Variants in NCS1 observed in about 807,000 individuals in gnomAD.
NCS1 encodes frequenin homolog.
Under a neutral mutation model 28.4 loss-of-function variants are expected in NCS1, and 6 were observed. The ratio of observed to expected loss-of-function variants is 0.21; its 90% confidence interval spans 0.12 to 0.42. The LOEUF (loss-of-function observed/expected upper bound fraction) is 0.42, where lower values mean the gene tolerates loss of function less well. Ranked by LOEUF, NCS1 falls within the 10% of genes least tolerant of loss-of-function variation. The probability of loss-of-function intolerance (pLI) is 1.00; values close to 1 mark genes in which losing one functional copy is unlikely to be tolerated. For missense variants in NCS1, 131 were observed against 241.4 expected, an observed-to-expected ratio of 0.54 and a Z score of 3.03; for synonymous variants, 86 against 99.3, an observed-to-expected ratio of 0.87 and a Z score of 0.79.
At chr9:130,178,125 G>A (rs1426249862) in intron 1 of NCS1, among the ~76,000 whole-genome samples, 4 of 152,158 alleles carry the variant, frequency 2.6e-5, no homozygotes, top group Non-Finnish European at 4.4e-5. Flanking sequence ...TCGGCCTCCT[G>A]AAGTGTTGGG....
intron 1 of NCS1, chr9:130,200,541 G>A: frequency 6.4e-7 from 1 of 1,550,976 alleles, no homozygotes; most frequent in Non-Finnish European, 8.7e-7. Flanking sequence ...CATAGGTGGG[G>A]CAGCCGAGTG....
chr9:130,184,643 T>A (rs1832715904), intron 1 of NCS1, among the ~76,000 whole-genome samples: 1 of 152,098 alleles, frequency 6.6e-6, no homozygotes, highest in Non-Finnish European at 1.5e-5. Context: ...CTTTTTTTGT[T>A]TTGAGACAGA....
chr9:130,189,879 A>AATATATATATATATATATATATATAT (rs1203988125), intron 1 of NCS1, among the ~76,000 whole-genome samples: 1 of 37,750 alleles, frequency 2.6e-5, no homozygotes, highest in African/African-American at 1.2e-4. Flanking sequence ...AAAAAAAAAA[A>AATATATATATATATATATATATATAT]ATATATATAT....
At chr9:130,173,663 G>A (rs1213523429) in intron 1 of NCS1, among the ~76,000 whole-genome samples, 1 of 152,190 alleles carries the variant, frequency 6.6e-6, no homozygotes, top group Admixed American at 6.5e-5. Context: ...ACTTGGAAGG[G>A]GACAGTGGTT....
chr9:130,183,974 TA>T (rs1206688928), intron 1 of NCS1, among the ~76,000 whole-genome samples: 3 of 151,936 alleles, frequency 2.0e-5, no homozygotes, highest in African/African-American at 7.3e-5. Context: ...CATACCCTGC[TA>T]ATTTTTTGTG....
At chr9:130,199,142 G>C (rs1832911463) in intron 1 of NCS1, among the ~76,000 whole-genome samples, 1 of 151,460 alleles carries the variant, frequency 6.6e-6, no homozygotes. Context: ...CACCCAGGCT[G>C]GAGTGCAATG....
intron 1 of NCS1, among the ~76,000 whole-genome samples, chr9:130,199,315 G>A (rs1455605534): frequency 3.3e-5 from 5 of 152,122 alleles, no homozygotes; most frequent in African/African-American, 4.8e-5. Flanking sequence ...GGATGGTCTC[G>A]ATCTCCTGAC....
chr9:130,187,183 C>T (rs372483807), intron 1 of NCS1, among the ~76,000 whole-genome samples: 22 of 152,260 alleles, frequency 1.4e-4, no homozygotes, highest in African/African-American at 5.1e-4. Context: ...GACGGGGGGC[C>T]CTGCCCAGGG....
intron 7 of NCS1, among the ~76,000 whole-genome samples, chr9:130,228,338 T>A (rs1554911695): frequency 1.3e-5 from 2 of 151,004 alleles, no homozygotes; most frequent in Admixed American, 6.6e-5. Flanking sequence ...TGCCACCATA[T>A]CTGGCTAATT....
intron 2 of NCS1, among the ~76,000 whole-genome samples, chr9:130,204,504 A>G (rs1554907839): frequency 6.6e-6 from 1 of 152,004 alleles, no homozygotes; most frequent in Non-Finnish European, 1.5e-5. Context: ...ATATTGCCCA[A>G]GCTTGAGCTT....
At chr9:130,190,070 A>G (rs926204980) in intron 1 of NCS1, among the ~76,000 whole-genome samples, 4 of 117,906 alleles carry the variant, frequency 3.4e-5, no homozygotes, top group Non-Finnish European at 7.5e-5. Flanking sequence ...GAGAGAATAT[A>G]TGTGGTCATT....
At chr9:130,199,964 G>A (rs1832920529) in intron 1 of NCS1, among the ~76,000 whole-genome samples, 1 of 151,896 alleles carries the variant, frequency 6.6e-6, no homozygotes, top group South Asian at 2.1e-4. Flanking sequence ...AGGGCCCTAC[G>A]CCGTACCCTT....
intron 1 of NCS1, among the ~76,000 whole-genome samples, chr9:130,176,933 A>G (rs781886231): frequency 1.2e-4 from 18 of 152,172 alleles, no homozygotes; most frequent in Non-Finnish European, 2.5e-4. Context: ...AAGAGGCACA[A>G]CCTCTGCCCT....
chr9:130,195,201 A>G (rs1261415465), intron 1 of NCS1, among the ~76,000 whole-genome samples: 1 of 152,204 alleles, frequency 6.6e-6, no homozygotes, highest in African/African-American at 2.4e-5. Flanking sequence ...CCAAGACCAC[A>G]GATCAGAGGG....
chr9:130,193,157 G>A (rs1331045713), intron 1 of NCS1, among the ~76,000 whole-genome samples: 17 of 152,158 alleles, frequency 1.1e-4, no homozygotes, highest in Non-Finnish European at 2.2e-4. Context: ...GCCCAGGGAG[G>A]GCTTGGGGCA....
At chr9:130,220,279 T>C (rs782017439) in intron 4 of NCS1, among the ~76,000 whole-genome samples, 3 of 152,152 alleles carry the variant, frequency 2.0e-5, no homozygotes, top group Non-Finnish European at 4.4e-5. Flanking sequence ...CACTCATTCA[T>C]TGACCAAATA....
In NCS1 at chr9:130,235,263, C is replaced by T. The variant is rs1440147868; in HGVS notation, c.*2291C>T. On this transcript the variant is annotated 3_prime_UTR_variant, in exon 8 of 8. Coordinates refer to ENST00000372398, the MANE Select transcript of NCS1 (RefSeq NM_014286.4). ...GCCCGGGCGACCTGGGACTCAGCAC[C>T]AACGGCTGAAGTTTCTCAGCTGGGC... The T allele has an allele frequency of 6.6e-6, 1 of 152,436 alleles. No individual in the cohort carries two copies. Among genetic ancestry groups the T allele is most frequent in the Non-Finnish European group, 1.5e-5 (1 of 68,226 alleles). 9.4% of individuals were successfully genotyped at this position (152,436 alleles called of 1,614,324 possible). A position where few individuals can be genotyped will look rare whatever the true frequency, so the allele number is the denominator to read the frequency against.
intron 2 of NCS1, among the ~76,000 whole-genome samples, chr9:130,201,533 T>G (rs868932583): frequency 6.6e-6 from 1 of 152,026 alleles, no homozygotes; most frequent in Non-Finnish European, 1.5e-5. Flanking sequence ...GGATGAGCAG[T>G]GCCAGGGCTG....
chr9:130,225,571 G>A (rs369756646), intron 6 of NCS1, among the ~76,000 whole-genome samples: 4 of 152,362 alleles, frequency 2.6e-5, no homozygotes, highest in East Asian at 3.9e-4. Context: ...TGACTTCTCC[G>A]TTTCCCAGCC....
Sources: gnomAD v4.1 joint callset for allele counts (sites outside exome capture counted in the v4.1 genomes callset) on GRCh38, gnomAD v4.1.1 for gene constraint, MANE v1.5 for transcripts, NCBI Gene and HGNC (gene_info 2026-07-23, HGNC 2026-07-21) for gene names.